Variants in PAX7 observed in about 807,000 individuals in gnomAD.
The protein encoded by PAX7 is paired box 7, also known as paired box protein Pax-7.
Under a neutral mutation model 50.7 loss-of-function variants are expected in PAX7, and 18 were observed. The ratio of observed to expected loss-of-function variants is 0.36; its 90% CI spans 0.25 to 0.53. The LOEUF is 0.53. PAX7 is among the 20% of genes least tolerant of loss of function. The pLI is 0.93. For synonymous variants in PAX7, 310 were observed against 290.4 expected (o/e 1.07, Z -0.69); for missense variants, 644 against 702.9 (o/e 0.92, Z 0.95).
chr1:18,696,410 T>C (rs2089151234), intron 5 of PAX7, among the ~76,000 whole-genome samples: 1 of 152,190 alleles, frequency 6.6e-6, no homozygotes, highest in South Asian at 2.1e-4. Context: ...GGCTCACCAG[T>C]CTACGTGTGT....
intron 7 of PAX7, among the ~76,000 whole-genome samples, chr1:18,725,131 G>A (rs916742539): frequency 6.6e-6 from 1 of 152,230 alleles, no homozygotes; most frequent in African/African-American, 2.4e-5. Flanking sequence ...AAGGGATTTT[G>A]TTCCTGGGAG....
At chr1:18,633,464 G>A (rs968545683) in intron 1 of PAX7, among the ~76,000 whole-genome samples, 1 of 152,194 alleles carries the variant, frequency 6.6e-6, no homozygotes, top group Non-Finnish European at 1.5e-5. Context: ...CCCCCACCCG[G>A]GGGGACTGTG....
At chr1:18,722,707 A>G (rs1188618567) in intron 7 of PAX7, among the ~76,000 whole-genome samples, 1 of 152,126 alleles carries the variant, frequency 6.6e-6, no homozygotes, top group Non-Finnish European at 1.5e-5. Context: ...ACTCGTGGGA[A>G]CTTTCTACAG....
chr1:18,715,974 C>T (rs1463328011), intron 7 of PAX7, among the ~76,000 whole-genome samples: 2 of 152,138 alleles, frequency 1.3e-5, no homozygotes, highest in East Asian at 3.9e-4. Flanking sequence ...CTTTTCCATC[C>T]TGTTCCCCCC....
rs767991670 is a variant in PAX7, at chr1:18,681,788, G to A, written c.587-9966G>A. Among the ~76,000 whole-genome samples, 7 of 147,388 alleles carry A rather than the reference G, an allele frequency of 4.7e-5. No homozygotes were observed. The South Asian group carries it at 8.7e-4, about 18-fold the overall frequency. ...TTTTTTGATACGGCGTTTCATTCTT[G>A]TTGCCCAGGCTGGAGTGCAATGGTG... On this transcript the variant is annotated intron_variant, in intron 4 of 8. Coordinates refer to ENST00000420770, the MANE Select transcript of PAX7 (RefSeq NM_001135254.2).
At chr1:18,680,060 AC>A (rs2088875164) in intron 4 of PAX7, among the ~76,000 whole-genome samples, 1 of 152,150 alleles carries the variant, frequency 6.6e-6, no homozygotes, top group South Asian at 2.1e-4. Flanking sequence ...TGGGGTTGGT[AC>A]TATTCTTGTC....
At chr1:18,698,676 T>C (rs1456502574) in intron 5 of PAX7, among the ~76,000 whole-genome samples, 1 of 152,188 alleles carries the variant, frequency 6.6e-6, no homozygotes, top group Non-Finnish European at 1.5e-5. Context: ...CCAGCATCCC[T>C]GCCACTCCAG....
At position 18,634,990 on chromosome 1, in the gene PAX7, G is replaced by T; in HGVS notation, c.322-121G>T. On this transcript the variant is annotated intron_variant, in intron 2 of 8. Transcript: ENST00000420770. The surrounding 1 kb of genome is among the most constrained non-coding windows in gnomAD (Gnocchi z 4.0). ...ATAAAGCCAATCTCTTGGGGGATGGGGGGACACAAGGTAACCAGAACCACC... is the reference window on the plus strand; with the variant it reads ...ATAAAGCCAATCTCTTGGGGGATGGTGGGACACAAGGTAACCAGAACCACC... 8.0e-7 allele frequency: 1 copy of T among 1,243,784 alleles called. No individual in the cohort carries two copies. 77.0% of individuals were successfully genotyped at this position (1,243,784 alleles called of 1,614,324 possible).
In PAX7 at chr1:18,735,776, G is replaced by A. The variant is rs1489518352; in HGVS notation, c.1300G>A (p.Asp434Asn). 1 of 1,614,140 alleles carries A rather than the reference G, an allele frequency of 6.2e-7. No individual in the cohort carries two copies. The highest frequency in any genetic ancestry group is 1.1e-5 in the South Asian group (1 of 91,078). Residue 434 changes from aspartate (D) to asparagine (N), a missense_variant, in exon 8 of 9, where the codon GAC (aspartate) becomes AAC (asparagine). Asp to Asn is a conservative substitution (Grantham distance 23, BLOSUM62 1). Coordinates refer to ENST00000420770, the MANE Select transcript of PAX7 (RefSeq NM_001135254.2). The surrounding 1 kb of genome is among the most constrained non-coding windows in gnomAD (Gnocchi z 4.0). ...GCGGGCCGACTCCATCAAGCCAGGA[G>A]ACAGCCTGCCCACCTCCCAGGCCTA... ...SQRADSIKPG[D>N]SLPTSQAYCP...
chr1:18,744,437 TGG>T (rs1931310219), intron 8 of PAX7, among the ~76,000 whole-genome samples: 1 of 22,636 alleles, frequency 4.4e-5, no homozygotes, highest in Non-Finnish European at 8.4e-5. Flanking sequence ...GAAGGATGGA[TGG>T]ATGGATGGAT....
chr1:18,634,964 G>A lies in PAX7; in HGVS notation c.322-147G>A. 1 of 1,049,430 alleles carries A rather than the reference G, an allele frequency of 9.5e-7. No homozygotes were observed. The highest frequency in any genetic ancestry group is 1.3e-6 in the Non-Finnish European group (1 of 743,444). 65.0% of individuals were successfully genotyped at this position (1,049,430 alleles called of 1,614,324 possible). A position where few individuals can be genotyped will look rare whatever the true frequency, so the allele number is the denominator to read the frequency against. On this transcript the variant is annotated intron_variant, in intron 2 of 8. Transcript: ENST00000420770. This position sits in a 1 kb window ranked among gnomAD's most constrained non-coding sequence, Gnocchi z 4.0. ...GAGCCAGGAACCGGTTTCTTGAAAG[G>A]ATAAAGCCAATCTCTTGGGGGATGG...
chr1:18,700,803 A>C lies in PAX7; in HGVS notation c.937A>C (p.Thr313Pro). ...YQLPDSTYPT[T>P]TISQDGGSTV... ...GCTGCCGGACTCCACCTACCCCACC[A>C]CCACCATCTCCCAAGGTGAGTGTCT... Residue 313 changes from threonine (T) to proline (P), a missense_variant, in exon 6 of 9, where the codon ACC becomes CCC. Transcript: ENST00000420770. This position sits in a 1 kb window ranked among gnomAD's most constrained non-coding sequence, Gnocchi z 4.8. 1 of 1,530,338 alleles carries C rather than the reference A, an allele frequency of 6.5e-7. No homozygotes were observed. The allele number at this position is 1,530,338 out of a possible 1,614,324, so 94.8% of individuals were successfully genotyped here. A position where few individuals can be genotyped will look rare whatever the true frequency, so the allele number is the denominator to read the frequency against.
At chr1:18,739,750 T>C (rs550995316) in intron 8 of PAX7, among the ~76,000 whole-genome samples, 1 of 152,324 alleles carries the variant, frequency 6.6e-6, no homozygotes, top group East Asian at 1.9e-4. Flanking sequence ...CAGGGACACC[T>C]TCACTCCTTT....
chr1:18,643,208 G>T (rs1180734661), intron 4 of PAX7, among the ~76,000 whole-genome samples: 1 of 152,206 alleles, frequency 6.6e-6, no homozygotes, highest in African/African-American at 2.4e-5. Flanking sequence ...GGTGGATTGC[G>T]AGGGGCACTG....
rs188008114 is a variant in PAX7, at chr1:18,704,922, T to C, written c.1155+1626T>C. ...AATGGAGATAAGCCCAGTACTTGCC[T>C]CCCAAGGTTGCTGGGGATTGAATGA... On this transcript the variant is annotated intron_variant, in intron 7 of 8. Coordinates refer to ENST00000420770, the MANE Select transcript of PAX7 (RefSeq NM_001135254.2). Among the ~76,000 whole-genome samples, 466 of 152,314 alleles carry C rather than the reference T, an allele frequency of 3.1e-3. 5 individuals carry two copies. Among genetic ancestry groups the C allele is most frequent in the African/African-American group, 0.011 (449 of 41,566 alleles).
Position 18,737,662 on chromosome 1 carries a change from G to A in PAX7, c.1402+1784G>A, listed in dbSNP as rs114426707. ...CATATGTGTATATGACTTCACATGCGTGCACATAAATGAGCATATTGTGCA... is the reference window on the plus strand; with the variant it reads ...CATATGTGTATATGACTTCACATGCATGCACATAAATGAGCATATTGTGCA... On this transcript the variant is annotated intron_variant, in intron 8 of 8. Transcript: ENST00000420770. 1.9e-3 allele frequency among the ~76,000 whole-genome samples: 285 copies of A among 152,350 alleles called. 2 individuals are homozygous for A. Among genetic ancestry groups the A allele is most frequent in the African/African-American group, 6.5e-3 (270 of 41,590 alleles).
chr1:18,722,499 G>A (rs1334012933), intron 7 of PAX7, among the ~76,000 whole-genome samples: 1 of 152,152 alleles, frequency 6.6e-6, no homozygotes, highest in Non-Finnish European at 1.5e-5. Flanking sequence ...GGGATTCACA[G>A]GCGCTTTATC....
chr1:18,694,468 A>ATAAATAAGTAAG (rs1325556751), intron 5 of PAX7, among the ~76,000 whole-genome samples: 10 of 67,440 alleles, frequency 1.5e-4, no homozygotes, highest in African/African-American at 5.8e-4. Context: ...TCGAAAATAA[A>ATAAATAAGTAAG]TAAATAAATA....
At position 18,700,788 on chromosome 1, in the gene PAX7, T is replaced by C. The variant is rs1303285145; in HGVS notation, c.922T>C (p.Ser308Pro). ...PTLPPYQLPD[S>P]TYPTTTISQD... Reference sequence around the variant, plus strand: ...GCTGCCCCCCTACCAGCTGCCGGACTCCACCTACCCCACCACCACCATCTC... The same window carrying C: ...GCTGCCCCCCTACCAGCTGCCGGACCCCACCTACCCCACCACCACCATCTC... The change falls in exon 6 of 9, where the codon TCC becomes CCC. Residue 308 changes from serine (S) to proline (P), a missense_variant. Ser to Pro is a moderately conservative substitution (Grantham distance 74). Transcript: ENST00000420770. The surrounding 1 kb of genome is among the most constrained non-coding windows in gnomAD (Gnocchi z 4.8). 1 of 1,565,004 alleles carries C rather than the reference T, an allele frequency of 6.4e-7. No individual in the cohort carries two copies. The highest frequency in any genetic ancestry group is 1.9e-5 in the Admixed American group (1 of 53,984).
Sources: allele counts gnomAD v4.1 joint callset (sites outside exome capture counted in the v4.1 genomes callset), GRCh38; gene constraint gnomAD v4.1.1; non-coding constraint Gnocchi (gnomAD v3.1); transcripts MANE v1.5; gene names NCBI Gene and HGNC (gene_info 2026-07-23, HGNC 2026-07-21).